DMD: variants seen among roughly 807,000 people sequenced by gnomAD.
DMD encodes the protein mutant dystrophin.
Under a neutral mutation model 330.1 loss-of-function variants are expected in DMD, and 63 were observed. The observed-to-expected ratio is 0.19, with a 90% CI of 0.16 to 0.24. DMD has a LOEUF of 0.24. Ranked by LOEUF, DMD falls within the 10% of genes least tolerant of loss-of-function variation. The pLI is 1.00. For synonymous variants in DMD, 1,223 were observed against 959.8 expected, an observed-to-expected ratio of 1.27 and a Z score of -5.07; for missense variants, 3,344 against 2,684.1, an observed-to-expected ratio of 1.25 and a Z score of -5.43.
In DMD at chrX:32,111,690, G is replaced by C. The variant is rs771720788; in HGVS notation, c.6438+105226C>G. On this transcript the variant is annotated intron_variant, in intron 44 of 78. Coordinates refer to ENST00000357033, the MANE Select transcript of DMD (RefSeq NM_004006.3). ...TTGGTTATCATATCAAGTCCCAACTGTGCAGCCTGGAATTCAATGTCAACC... is the reference window on the plus strand; with the variant it reads ...TTGGTTATCATATCAAGTCCCAACTCTGCAGCCTGGAATTCAATGTCAACC... Among the ~76,000 whole-genome samples the C allele has an allele frequency of 4.5e-5, 5 of 111,164 alleles. No individual in the cohort carries two copies. The South Asian group carries it at 1.9e-3, about 43-fold the overall frequency.
chrX:31,665,469 T>C (rs1408213343), intron 53 of DMD, among the ~76,000 whole-genome samples: 1 of 111,687 alleles, frequency 9.0e-6, no homozygotes, highest in East Asian at 2.8e-4. Context: ...AATAGAAATG[T>C]TAAAATAGCT....
At chrX:31,344,023 C>T (rs1250318622) in intron 61 of DMD, among the ~76,000 whole-genome samples, 1 of 80,398 alleles carries the variant, frequency 1.2e-5, no homozygotes, top group African/African-American at 5.6e-5. Context: ...TGCTCTGTCA[C>T]ACAGATTGGA....
chrX:33,271,714 C>T (rs2053158362), intron 1 of DMD, among the ~76,000 whole-genome samples: 2 of 97,114 alleles, frequency 2.1e-5, no homozygotes, highest in South Asian at 5.3e-4. Flanking sequence ...TGTGGTGAGC[C>T]GAGATAGTGC....
intron 2 of DMD, among the ~76,000 whole-genome samples, chrX:32,858,199 G>C (rs1319031614): frequency 8.9e-6 from 1 of 112,177 alleles, no homozygotes. Context: ...ATTTACCCTG[G>C]AGTCTGGCAG....
intron 44 of DMD, among the ~76,000 whole-genome samples, chrX:32,143,643 C>T (rs2096764108): frequency 9.2e-6 from 1 of 108,724 alleles, no homozygotes; most frequent in Admixed American, 9.9e-5. Flanking sequence ...CCCGGGTTCA[C>T]GCCATTCTCC....
chrX:32,647,455 C>T (rs1368863789), intron 9 of DMD, among the ~76,000 whole-genome samples: 7 of 111,387 alleles, frequency 6.3e-5, no homozygotes, highest in Non-Finnish European at 1.3e-4. Flanking sequence ...CCAGACCCTG[C>T]TTCAAATGCA....
At chrX:31,937,019 C>T (rs1241489484) in intron 45 of DMD, among the ~76,000 whole-genome samples, 3 of 111,022 alleles carry the variant, frequency 2.7e-5, no homozygotes, top group East Asian at 5.6e-4. Flanking sequence ...TAGGTTAACC[C>T]GCTCTCCCAC....
intron 63 of DMD, among the ~76,000 whole-genome samples, chrX:31,237,549 T>C (rs2047848095): frequency 1.8e-5 from 2 of 111,414 alleles, no homozygotes; most frequent in African/African-American, 6.5e-5. Flanking sequence ...ATAAAATAAA[T>C]CAATGGTAGG....
At chrX:31,852,568 T>G (rs1243596891) in intron 48 of DMD, among the ~76,000 whole-genome samples, 1 of 111,159 alleles carries the variant, frequency 9.0e-6, no homozygotes, top group Non-Finnish European at 1.9e-5. Context: ...CCATGAAGCC[T>G]CAAAAACTGA....
chrX:31,272,664 A>C (rs140105574), intron 62 of DMD, among the ~76,000 whole-genome samples: 1 of 112,309 alleles, frequency 8.9e-6, no homozygotes, highest in Non-Finnish European at 1.9e-5. Flanking sequence ...TTGTAAAAAA[A>C]TCAGGGAAGT....
intron 1 of DMD, among the ~76,000 whole-genome samples, chrX:33,246,716 C>T (rs1039185089): frequency 9.0e-6 from 1 of 110,717 alleles, no homozygotes; most frequent in African/African-American, 3.3e-5. Flanking sequence ...GATGGAATCT[C>T]GCTCTGTTGC....
chrX:31,950,481 C>T (rs2095146191), intron 45 of DMD, among the ~76,000 whole-genome samples: 1 of 110,929 alleles, frequency 9.0e-6, no homozygotes, highest in South Asian at 3.7e-4. Context: ...GTGGCGTCTC[C>T]TATAAATGTT....
intron 1 of DMD, among the ~76,000 whole-genome samples, chrX:33,063,103 C>T (rs1335521877): frequency 1.8e-5 from 2 of 111,538 alleles, no homozygotes; most frequent in African/African-American, 6.5e-5. Flanking sequence ...ATTGTTAAAC[C>T]TATATACATA....
At chrX:32,640,358 A>T in intron 11 of DMD, among the ~76,000 whole-genome samples, 1 of 109,509 alleles carries the variant, frequency 9.1e-6, no homozygotes, top group Middle Eastern at 4.7e-3. Context: ...AGAAAAGAAA[A>T]GTATATTGCC....
chrX:31,963,283 A>G (rs1341489432), intron 45 of DMD, among the ~76,000 whole-genome samples: 1 of 112,054 alleles, frequency 8.9e-6, no homozygotes, highest in Non-Finnish European at 1.9e-5. Context: ...GCCTCCCATT[A>G]TCTTATTTAC....
upstream of DMD, among the ~76,000 whole-genome samples, chrX:33,215,841 C>T (rs974486159): frequency 2.7e-5 from 3 of 111,306 alleles, no homozygotes; most frequent in Admixed American, 9.6e-5. Context: ...ATAGGTGTGT[C>T]GCTTTGTTTC....
chrX:32,433,416 G>A (rs992116284), intron 29 of DMD, among the ~76,000 whole-genome samples: 4 of 111,847 alleles, frequency 3.6e-5, no homozygotes, highest in African/African-American at 1.3e-4. Flanking sequence ...GGTGGCTCAC[G>A]CCTGTAATTC....
At chrX:31,275,158 TG>T (rs1569514018) in intron 62 of DMD, among the ~76,000 whole-genome samples, 1 of 11,617 alleles carries the variant, frequency 8.6e-5, no homozygotes, top group African/African-American at 8.1e-4. Context: ...TCAGGTTTTG[TG>T]TGTGTGTGTG....
At chrX:31,932,583 T>C (rs1266173695) in intron 45 of DMD, among the ~76,000 whole-genome samples, 2 of 110,858 alleles carry the variant, frequency 1.8e-5, no homozygotes, top group African/African-American at 3.3e-5. Flanking sequence ...CCGTCTACAC[T>C]AAAAATACAA....
Sources: allele counts gnomAD v4.1 joint callset (sites outside exome capture counted in the v4.1 genomes callset), GRCh38; gene constraint gnomAD v4.1.1; transcripts MANE v1.5; gene names NCBI Gene and HGNC (gene_info 2026-07-23, HGNC 2026-07-21).